DTX1: variants seen among roughly 807,000 people sequenced by gnomAD.
DTX1 encodes E3 ubiquitin-protein ligase DTX1.
DTX1 carries 26 observed loss-of-function variants against 57.8 expected under a neutral mutation model. The observed-to-expected ratio is 0.45, with a 90% confidence interval of 0.33 to 0.62. The LOEUF (loss-of-function observed/expected upper bound fraction) is 0.62. Among genes scored for constraint, DTX1 ranks in the 20% least tolerant of loss-of-function variants. The pLI is 0.02. For missense variants in DTX1, 704 were observed against 895.3 expected (o/e 0.79, Z 2.73); for synonymous variants, 398 against 394.1 (o/e 1.01, Z -0.12).
intron 2 of DTX1, among the ~76,000 whole-genome samples, chr12:113,072,954 G>A (rs1048042303): frequency 2.6e-5 from 4 of 151,892 alleles, no homozygotes; most frequent in Non-Finnish European, 5.9e-5. Flanking sequence ...TGATCCACCC[G>A]CCTCAGCTTC....
Position 113,057,970 on chromosome 12 carries a change from A to C in DTX1, c.-223A>C. ...CTTGCTTTCCAGGGCAGCACCCTTT[A>C]TCGGAGAAGGCTCTACAGGGAAGGG... On this transcript the variant is annotated 5_prime_UTR_variant, in exon 2 of 10. Coordinates refer to ENST00000548759, the MANE Select transcript of DTX1 (RefSeq NM_004416.3). 1.5e-6 allele frequency: 1 copy of C among 664,308 alleles called. No homozygotes were observed. Among genetic ancestry groups the C allele is most frequent in the Non-Finnish European group, 2.5e-6 (1 of 405,632 alleles). The allele number at this position is 664,308 out of a possible 1,614,324, so 41.2% of individuals were successfully genotyped here.
intron 2 of DTX1, among the ~76,000 whole-genome samples, chr12:113,065,112 GCCCTTTAGCAGCCAGGC>G (rs2044695237): frequency 6.6e-6 from 1 of 152,160 alleles, no homozygotes; most frequent in South Asian, 2.1e-4. Flanking sequence ...GCCAGCTGCT[GCCCTTTAGCAGCCAGGC>G]CCCGGGGGAC....
At position 113,093,849 on chromosome 12, in the gene DTX1, T is replaced by G; in HGVS notation, c.1165+149T>G. 1.4e-6 allele frequency: 2 copies of G among 1,430,280 alleles called. No individual in the cohort carries two copies. Among genetic ancestry groups the G allele is most frequent in the African/African-American group, 2.8e-5 (2 of 70,840 alleles). The allele number at this position is 1,430,280 out of a possible 1,614,324, so 88.6% of individuals were successfully genotyped here. ...GCTCCCCTTGCCCTGGCCCCATCTT[T>G]CACCAGCTCCTGTTACAGCTAACCT... On this transcript the variant is annotated intron_variant, in intron 5 of 9. Transcript: ENST00000548759. The surrounding 1 kb of genome is among the most constrained non-coding windows in gnomAD (Gnocchi z 4.2).
Position 113,077,766 on chromosome 12 carries a change from C to G in DTX1, c.602C>G (p.Ser201Cys), listed in dbSNP as rs1455915225. 7 of 1,527,202 alleles carry G rather than the reference C, an allele frequency of 4.6e-6. No homozygotes were observed. Among genetic ancestry groups the G allele is most frequent in the African/African-American group, 1.4e-5 (1 of 72,528 alleles). 94.6% of individuals were successfully genotyped at this position (1,527,202 alleles called of 1,614,324 possible). The change falls in exon 3 of 10, where the codon TCC becomes TGC. Residue 201 changes from serine to cysteine, a missense_variant. Physicochemically the swap from Ser to Cys is moderately radical, Grantham distance 112. Around this residue, in one of 3 missense-constraint regions of DTX1, gnomAD observed 237 missense variants for 328.6 expected, o/e 0.72. Transcript: ENST00000548759. This position sits in a 1 kb window ranked among gnomAD's most constrained non-coding sequence, Gnocchi z 7.8. ...PVGASSGQPCSCQQCLLVNST... is the reference protein window; with the variant it reads ...PVGASSGQPCCCQQCLLVNST... The stretch of plus-strand genomic sequence containing the variant: ...GGCGCCAGCTCGGGCCAGCCCTGCT[C>G]CTGCCAGCAGTGCCTGCTGGTCAAC...
chr12:113,086,100 T>C (rs1468323607), intron 3 of DTX1, among the ~76,000 whole-genome samples: 1 of 151,772 alleles, frequency 6.6e-6, no homozygotes, highest in Non-Finnish European at 1.5e-5. Flanking sequence ...AGACTCCACC[T>C]TTACAAAATT....
In DTX1 at chr12:113,058,441, C is replaced by T. The variant is rs1168485351; in HGVS notation, c.249C>T (p.Arg83=). The T allele has an allele frequency of 6.2e-7, 1 of 1,600,772 alleles. No homozygotes were observed. Among genetic ancestry groups the T allele is most frequent in the Admixed American group, 1.7e-5 (1 of 59,912 alleles). Residue 83 remains arginine (R), a synonymous_variant, in exon 2 of 10, where the codon CGC becomes CGT. Transcript: ENST00000548759. ...IIDLQSMHQF[R]QDTGTMRPVR... is the part of the protein sequence containing the mutation. ...ACCTGCAGTCCATGCACCAGTTTCG[C>T]CAGGACACAGGTGAGCAGACACCCA...
Position 113,096,734 on chromosome 12 carries a change from C to T in DTX1, c.1658C>T (p.Thr553Met), listed in dbSNP as rs146220928. 553 of 1,612,874 alleles carry T rather than the reference C, an allele frequency of 3.4e-4. 3 individuals carry two copies. The African/African-American group carries it at 6.5e-3, about 19-fold the overall frequency. ...CCCCAGGTGCTGCGGCTGCTCATCA[C>T]GGCCTGGGAGAGAAGACTCATCTTC... ...KGRKVLRLLI[T>M]AWERRLIFTI... is the part of the protein sequence containing the mutation. Residue 553 changes from threonine to methionine, a missense_variant, in exon 10 of 10, where the codon ACG becomes ATG. Physicochemically the swap from Thr to Met is moderately conservative, Grantham distance 81. Coordinates refer to ENST00000548759, the MANE Select transcript of DTX1 (RefSeq NM_004416.3).
intron 2 of DTX1, among the ~76,000 whole-genome samples, chr12:113,062,435 A>T (rs1348123310): frequency 6.6e-6 from 1 of 152,148 alleles, no homozygotes; most frequent in Non-Finnish European, 1.5e-5. Flanking sequence ...CGGGTCATGA[A>T]ATATTCTTTT....
At chr12:113,068,742 A>G (rs1293659909) in intron 2 of DTX1, among the ~76,000 whole-genome samples, 2 of 152,098 alleles carry the variant, frequency 1.3e-5, no homozygotes, top group Non-Finnish European at 2.9e-5. Context: ...GTCTGTGAAA[A>G]ATCCCCCCGG....
At chr12:113,081,081 C>T (rs967965041) in intron 3 of DTX1, among the ~76,000 whole-genome samples, 6 of 152,110 alleles carry the variant, frequency 3.9e-5, no homozygotes, top group South Asian at 2.1e-4. Flanking sequence ...ATATTTGAGG[C>T]GGGCGTAGTG....
At chr12:113,073,970 C>T (rs1483562363) in intron 2 of DTX1, among the ~76,000 whole-genome samples, 1 of 152,168 alleles carries the variant, frequency 6.6e-6, no homozygotes, top group Non-Finnish European at 1.5e-5. Flanking sequence ...GTGGCTCACA[C>T]CTGTAATCCC....
intron 3 of DTX1, among the ~76,000 whole-genome samples, chr12:113,085,190 C>T (rs1434737722): frequency 2.0e-5 from 3 of 152,178 alleles, no homozygotes; most frequent in Non-Finnish European, 4.4e-5. Flanking sequence ...TCTGGGACTA[C>T]AGGCGCACGC....
rs1950265883 is a variant in DTX1 at position 113,093,955 on chromosome 12, TCTGACCC to T, written c.1166-75_1166-69del. 1.3e-6 allele frequency: 2 copies of T among 1,539,718 alleles called. No homozygotes were observed. Among genetic ancestry groups the T allele is most frequent in the East Asian group, 2.4e-5 (1 of 41,340 alleles). On this transcript the variant is annotated intron_variant, in intron 5 of 9. Coordinates refer to ENST00000548759, the MANE Select transcript of DTX1 (RefSeq NM_004416.3). The surrounding 1 kb of genome is among the most constrained non-coding windows in gnomAD (Gnocchi z 4.2). The stretch of plus-strand genomic sequence containing the variant: ...ACCCTTGCCAGCCTGACCCCTGCCC[TCTGACCC>T]CTGACCCAGTTCTGAGCCAAGCCTT...
chr12:113,092,299 T>C (rs932149780), intron 3 of DTX1, among the ~76,000 whole-genome samples: 1 of 148,088 alleles, frequency 6.8e-6, no homozygotes, highest in Non-Finnish European at 1.5e-5. Flanking sequence ...TTGACACATA[T>C]AATTTCACGG....
chr12:113,091,002 C>T (rs1950243320), intron 3 of DTX1, among the ~76,000 whole-genome samples: 1 of 152,216 alleles, frequency 6.6e-6, no homozygotes, highest in Admixed American at 6.5e-5. Context: ...CGTGTGTCCG[C>T]GTGTGGACGG....
chr12:113,057,386 A>G (rs2044632866), intron 1 of DTX1, 63 bp from the exon 2 acceptor site: 1 of 152,438 alleles, frequency 6.6e-6, no homozygotes, highest in Admixed American at 6.5e-5. Context: ...CTCTCCTGGG[A>G]AGGGGGGAGG....
intron 3 of DTX1, among the ~76,000 whole-genome samples, chr12:113,084,929 C>T (rs889352598): frequency 6.6e-6 from 1 of 152,192 alleles, no homozygotes; most frequent in Non-Finnish European, 1.5e-5. Context: ...TGTGACCCTG[C>T]CTGAGCTCAT....
At chr12:113,068,239 C>T (rs1284869) in intron 2 of DTX1, among the ~76,000 whole-genome samples, 45,886 of 152,026 alleles carry the variant, frequency 0.3, 7,432 homozygotes, top group Middle Eastern at 0.35. Flanking sequence ...CCTCCCTGCA[C>T]TCCTGACCAC....
At chr12:113,060,463 A>G (rs1320963079) in intron 2 of DTX1, among the ~76,000 whole-genome samples, 3 of 152,162 alleles carry the variant, frequency 2.0e-5, no homozygotes, top group Admixed American at 2.0e-4. Flanking sequence ...GTTTGAACAG[A>G]GATCTGAAGA....
Sources: allele counts gnomAD v4.1 joint callset (sites outside exome capture counted in the v4.1 genomes callset), GRCh38; gene constraint gnomAD v4.1.1; regional missense constraint gnomAD v4.1.1; non-coding constraint Gnocchi (gnomAD v3.1); transcripts MANE v1.5; gene names NCBI Gene and HGNC (gene_info 2026-07-23, HGNC 2026-07-21).